TENM3: variants seen among roughly 807,000 people sequenced by gnomAD.
TENM3 encodes teneurin-3.
A neutral mutation model predicts 255.1 loss-of-function variants in TENM3; 63 were observed. The ratio of observed to expected loss-of-function variants is 0.25; its 90% confidence interval spans 0.20 to 0.30. The LOEUF (loss-of-function observed/expected upper bound fraction) is 0.30, where lower values mean the gene tolerates loss of function less well. TENM3 is among the 10% of genes least tolerant of loss of function. TENM3 has a pLI of 1.00. For synonymous variants in TENM3, 1,306 were observed against 1,322.3 expected, an observed-to-expected ratio of 0.99 and a Z score of 0.27; for missense variants, 2,929 against 3,461.1, an observed-to-expected ratio of 0.85 and a Z score of 3.86.
At chr4:182,341,064 T>C (rs1160734306) in intron 2 of TENM3, among the ~76,000 whole-genome samples, 1 of 152,200 alleles carries the variant, frequency 6.6e-6, no homozygotes, top group Admixed American at 6.5e-5. Context: ...AATGCTCCCA[T>C]GTATCTTACA....
At chr4:181,632,024 G>T in the TENM3 span, among the ~76,000 whole-genome samples, 1 of 152,176 alleles carries the variant, frequency 6.6e-6, no homozygotes, top group African/African-American at 2.4e-5. Context: ...ACAAATCCAG[G>T]TTGTTACCAC....
the TENM3 span, among the ~76,000 whole-genome samples, chr4:181,700,205 T>C: frequency 7.1e-6 from 1 of 141,162 alleles, no homozygotes; most frequent in Admixed American, 7.4e-5. Flanking sequence ...CATTTCTAAG[T>C]TTGATTTTTA....
At chr4:182,067,467 A>T in the TENM3 span, among the ~76,000 whole-genome samples, 5 of 152,210 alleles carry the variant, frequency 3.3e-5, no homozygotes, top group African/African-American at 1.2e-4. Flanking sequence ...TGAGGCCAAA[A>T]TAAAAAGGTA....
At chr4:181,497,014 C>A in the TENM3 span, among the ~76,000 whole-genome samples, 2 of 152,110 alleles carry the variant, frequency 1.3e-5, no homozygotes, top group African/African-American at 4.8e-5. Context: ...CCTACACACC[C>A]ACTGAAATGT....
the TENM3 span, among the ~76,000 whole-genome samples, chr4:181,526,841 G>A: frequency 5.9e-5 from 9 of 152,156 alleles, no homozygotes; most frequent in South Asian, 2.1e-4. Flanking sequence ...CTTTTTCTCC[G>A]AGCTTCTCTC....
At chr4:182,105,589 C>A in the TENM3 span, among the ~76,000 whole-genome samples, 1 of 152,180 alleles carries the variant, frequency 6.6e-6, no homozygotes, top group Non-Finnish European at 1.5e-5. Flanking sequence ...GCCGAGGCTG[C>A]GGAAGTACCA....
chr4:181,449,236 G>A, the TENM3 span, among the ~76,000 whole-genome samples: 16 of 152,160 alleles, frequency 1.1e-4, no homozygotes, highest in South Asian at 2.1e-3. Flanking sequence ...AAATCAAGAC[G>A]GTGCAGTTTT....
At chr4:182,201,646 G>T (rs929775053) in intron 1 of TENM3, among the ~76,000 whole-genome samples, 2 of 151,918 alleles carry the variant, frequency 1.3e-5, no homozygotes, top group South Asian at 4.2e-4. Flanking sequence ...GCGGAAGGGG[G>T]TCTGAAGTTA....
chr4:182,496,967 T>C (rs1462818375), intron 3 of TENM3, among the ~76,000 whole-genome samples: 1 of 152,108 alleles, frequency 6.6e-6, no homozygotes, highest in Non-Finnish European at 1.5e-5. Context: ...GTAGACTTAG[T>C]AGCATAAATA....
intron 3 of TENM3, among the ~76,000 whole-genome samples, chr4:182,356,481 G>T (rs1765538023): frequency 6.6e-6 from 1 of 152,116 alleles, no homozygotes; most frequent in Non-Finnish European, 1.5e-5. Context: ...GAAGGAGAGA[G>T]CGTGGCTGAG....
chr4:182,485,829 T>TG (rs1734645526), intron 3 of TENM3, among the ~76,000 whole-genome samples: 1 of 152,186 alleles, frequency 6.6e-6, no homozygotes, highest in Admixed American at 6.5e-5. Flanking sequence ...GATTCAGAAA[T>TG]GCAGTCAAGG....
intron 3 of TENM3, among the ~76,000 whole-genome samples, chr4:182,461,737 T>C (rs766748695): frequency 6.6e-6 from 1 of 152,234 alleles, no homozygotes; most frequent in Non-Finnish European, 1.5e-5. Flanking sequence ...AGGGGACTTC[T>C]GTTCACTCTG....
chr4:182,129,641 T>C, the TENM3 span, among the ~76,000 whole-genome samples: 1 of 152,320 alleles, frequency 6.6e-6, no homozygotes, highest in East Asian at 1.9e-4. Flanking sequence ...AGGTTAGTGC[T>C]GTACTTTTTG....
the TENM3 span, among the ~76,000 whole-genome samples, chr4:181,969,817 G>T: frequency 6.6e-6 from 1 of 152,182 alleles, no homozygotes; most frequent in African/African-American, 2.4e-5. Context: ...ACCCAGGTGC[G>T]TAAACATTTT....
chr4:181,659,611 ATCT>A, the TENM3 span, among the ~76,000 whole-genome samples: 2 of 152,216 alleles, frequency 1.3e-5, no homozygotes, highest in South Asian at 2.1e-4. Flanking sequence ...TAAAAGGTAA[ATCT>A]TCTAACAGCA....
intron 1 of TENM3, among the ~76,000 whole-genome samples, chr4:182,164,636 A>G (rs1004442768): frequency 6.6e-6 from 1 of 152,204 alleles, no homozygotes; most frequent in Non-Finnish European, 1.5e-5. Context: ...AAGACATGAT[A>G]TGTGTCTTTC....
the TENM3 span, among the ~76,000 whole-genome samples, chr4:181,527,467 C>G: frequency 3.9e-5 from 6 of 151,964 alleles, no homozygotes; most frequent in East Asian, 1.2e-3. Flanking sequence ...CTGCCAGGTT[C>G]AAGTGATTCT....
At chr4:182,172,440 C>T (rs1177439875) in intron 1 of TENM3, among the ~76,000 whole-genome samples, 1 of 152,132 alleles carries the variant, frequency 6.6e-6, no homozygotes, top group African/African-American at 2.4e-5. Context: ...TTCTGAGTAG[C>T]TACCATGTAT....
At position 182,482,984 on chromosome 4, in the gene TENM3, A is replaced by C. The variant is rs374430134; in HGVS notation, c.512-117940A>C. ...CTTAAAGTTTTCATTGAAATTAAGA[A>C]TATTACCCAAATTTTCATATTGCTT... On this transcript the variant is annotated intron_variant, in intron 3 of 27. Transcript: ENST00000511685. Among the ~76,000 whole-genome samples, 8 of 152,316 alleles carry C rather than the reference A, an allele frequency of 5.3e-5. No homozygotes were observed. In the South Asian group the frequency reaches 8.3e-4, roughly 16 times the overall value.
Sources: gnomAD v4.1 joint callset for allele counts (sites outside exome capture counted in the v4.1 genomes callset) on GRCh38, gnomAD v4.1.1 for gene constraint, MANE v1.5 for transcripts, NCBI Gene and HGNC (gene_info 2026-07-23, HGNC 2026-07-21) for gene names.